The following ZC3H7B variants were observed in gnomAD, a reference collection of about 807,000 sequenced individuals.
ZC3H7B encodes zinc finger CCCH domain-containing protein 7B.
A neutral mutation model predicts 116.0 loss-of-function variants in ZC3H7B; 35 were observed. That is an observed-to-expected ratio of 0.30 (90% confidence interval 0.23 to 0.40). The LOEUF (loss-of-function observed/expected upper bound fraction) is 0.40. Among genes scored for constraint, ZC3H7B ranks in the 10% least tolerant of loss-of-function variants. ZC3H7B has a pLI of 1.00. For missense variants in ZC3H7B, 1,011 were observed against 1,321.5 expected (o/e 0.77, Z 3.64); for synonymous variants, 502 against 545.6 (o/e 0.92, Z 1.11).
rs1156306736 is a variant in ZC3H7B, at chr22:41,356,625, C to T, written c.2518-20C>T. ...GCAGAGGTGTGGGGGAGCAGGCACC[C>T]ATGATGGCTGTGCTCCCAGATGGGC... is the stretch of plus-strand genomic sequence containing the variant. On this transcript the variant is annotated intron_variant, in intron 21 of 22. Coordinates refer to ENST00000352645, the MANE Select transcript of ZC3H7B (RefSeq NM_017590.6). 6.2e-7 allele frequency: 1 copy of T among 1,613,082 alleles called. No homozygotes were observed. Among genetic ancestry groups the T allele is most frequent in the Admixed American group, 1.7e-5 (1 of 60,016 alleles).
At chr22:41,345,941 C>T (rs1211195335) in intron 13 of ZC3H7B, 62 bp from the exon 14 acceptor site, 16 of 1,570,166 alleles carry the variant, frequency 1.0e-5, no homozygotes, top group South Asian at 6.7e-5. Context: ...AGCGGGGTGG[C>T]GAGGGTGCTG....
rs147167305 is a variant in ZC3H7B at position 41,346,424 on chromosome 22, G to A, written c.1665+216G>A. On this transcript the variant is annotated intron_variant, in intron 14 of 22. Transcript: ENST00000352645. This position sits in a 1 kb window ranked among gnomAD's most constrained non-coding sequence, Gnocchi z 5.3. ...TCTGATCCAGCCCCCTCATTTTGCA[G>A]AGGCAGAAACTGAGGCTGGAAAGAA... 1.3e-5 allele frequency among the ~76,000 whole-genome samples: 2 copies of A among 152,332 alleles called. No individual in the cohort carries two copies. The highest frequency in any genetic ancestry group is 4.8e-5 in the African/African-American group (2 of 41,584).
At position 41,349,260 on chromosome 22, in the gene ZC3H7B, G is replaced by A. The variant is rs750334042; in HGVS notation, c.1907G>A (p.Ser636Asn). The A allele has an allele frequency of 1.9e-6, 3 of 1,613,656 alleles. No homozygotes were observed. The highest frequency in any genetic ancestry group is 1.7e-5 in the Admixed American group (1 of 59,996). Residue 636 changes from serine to asparagine, a missense_variant, in exon 16 of 23, where the codon AGC becomes AAC. Physicochemically the swap from Ser to Asn is conservative, Grantham distance 46 (BLOSUM62 1). Around this residue, in one of 5 missense-constraint regions of ZC3H7B, gnomAD observed 406 missense variants for 590.2 expected, o/e 0.69. Coordinates refer to ENST00000352645, the MANE Select transcript of ZC3H7B (RefSeq NM_017590.6). The surrounding 1 kb of genome is among the most constrained non-coding windows in gnomAD (Gnocchi z 4.9). ...LREDSCHFAH[S>N]FIELKVWLLQ... ...GAGGACAGCTGCCACTTCGCCCACA[G>A]CTTCATCGAGCTCAAGGTCTGGCTG...
At chr22:41,333,612 T>G (rs571580609) in intron 7 of ZC3H7B, 1 of 152,176 alleles carries the variant, frequency 6.6e-6, no homozygotes, top group East Asian at 1.9e-4. Flanking sequence ...AGAGACAGAA[T>G]GAGACTCCAT....
intron 5 of ZC3H7B, among the ~76,000 whole-genome samples, chr22:41,328,061 A>G (rs2036339458): frequency 6.6e-6 from 1 of 151,894 alleles, no homozygotes; most frequent in African/African-American, 2.4e-5. Context: ...CAGGAGGTGG[A>G]GGTTGCAGTG....
intron 1 of ZC3H7B, among the ~76,000 whole-genome samples, chr22:41,304,605 A>C (rs1024160628): frequency 1.3e-5 from 2 of 152,212 alleles, no homozygotes; most frequent in African/African-American, 4.8e-5. Context: ...AGACAGCTCA[A>C]GGCTACCTGG....
chr22:41,353,208 G>T (rs571855432), intron 17 of ZC3H7B, among the ~76,000 whole-genome samples: 3 of 152,328 alleles, frequency 2.0e-5, no homozygotes, highest in South Asian at 4.1e-4. Context: ...CTTCGCCATG[G>T]TCCTGAAGAG....
intron 11 of ZC3H7B, 25 bp from the exon 12 acceptor site, chr22:41,342,504 A>G: frequency 6.2e-7 from 1 of 1,610,294 alleles, no homozygotes; most frequent in Non-Finnish European, 8.5e-7. Flanking sequence ...CAGTGCCCAC[A>G]ATGGCCTCCT....
chr22:41,351,564 T>C lies in ZC3H7B; in HGVS notation c.1952T>C (p.Met651Thr). The change falls in exon 17 of 23, where the codon ATG (methionine) becomes ACG (threonine). Residue 651 changes from methionine to threonine, a missense_variant. Transcript: ENST00000352645. The surrounding 1 kb of genome is among the most constrained non-coding windows in gnomAD (Gnocchi z 5.1). Reference sequence around the variant, plus strand: ...TGTCTGCCCCCACCCTCCCCAGGCATGACCCACGAAGACATCGTTCAGGAG... The same window carrying C: ...TGTCTGCCCCCACCCTCCCCAGGCACGACCCACGAAGACATCGTTCAGGAG... Reference protein sequence around the residue: ...KVWLLQQYSGMTHEDIVQESK... With the variant: ...KVWLLQQYSGTTHEDIVQESK... The C allele has an allele frequency of 6.2e-7, 1 of 1,613,308 alleles. No individual in the cohort carries two copies. The highest frequency in any genetic ancestry group is 8.5e-7 in the Non-Finnish European group (1 of 1,179,706).
chr22:41,323,172 G>A (rs905141104), intron 2 of ZC3H7B, among the ~76,000 whole-genome samples: 2 of 152,176 alleles, frequency 1.3e-5, no homozygotes, highest in Non-Finnish European at 2.9e-5. Context: ...CCCTTCCCTG[G>A]GCTGTTGTCC....
rs937881001 is a variant in ZC3H7B at position 41,330,005 on chromosome 22, G to T, written c.445-18G>T. 6.2e-7 allele frequency: 1 copy of T among 1,613,320 alleles called. No individual in the cohort carries two copies. Among genetic ancestry groups the T allele is most frequent in the Non-Finnish European group, 8.5e-7 (1 of 1,179,820 alleles). On this transcript the variant is annotated intron_variant, in intron 5 of 22. Coordinates refer to ENST00000352645, the MANE Select transcript of ZC3H7B (RefSeq NM_017590.6). ...CCCGGGCAGACTGACCCACCGCCCTGTGTCTTGTCCTCTGCAGGATGAAAG... is the reference window on the plus strand; with the variant it reads ...CCCGGGCAGACTGACCCACCGCCCTTTGTCTTGTCCTCTGCAGGATGAAAG...
Position 41,357,247 on chromosome 22 carries a change from G to A in ZC3H7B, c.2752G>A (p.Glu918Lys). The A allele has an allele frequency of 6.2e-7, 1 of 1,613,798 alleles. No individual in the cohort carries two copies. The highest frequency in any genetic ancestry group is 8.5e-7 in the Non-Finnish European group (1 of 1,179,980). ...CGCCCATGGACAGGAGGAGCTCAACGAGTGGCTGGACCGGCGCGAGGTGCT... is the reference window on the plus strand; with the variant it reads ...CGCCCATGGACAGGAGGAGCTCAACAAGTGGCTGGACCGGCGCGAGGTGCT... ...RCAHGQEELN[E>K]WLDRREVLKQ... The change falls in exon 23 of 23, where the codon GAG becomes AAG. Residue 918 changes from glutamate (E) to lysine (K), a missense_variant. This residue lies in a region of ZC3H7B where 406 missense variants were observed against 590.2 expected (regional missense o/e 0.69). Coordinates refer to ENST00000352645, the MANE Select transcript of ZC3H7B (RefSeq NM_017590.6). The surrounding 1 kb of genome is among the most constrained non-coding windows in gnomAD (Gnocchi z 5.4).
intron 11 of ZC3H7B, 77 bp from the exon 12 acceptor site, chr22:41,342,452 C>A (rs2036534297): frequency 1.4e-6 from 2 of 1,440,262 alleles, no homozygotes; most frequent in Non-Finnish European, 9.7e-7. Context: ...GCACTCCCCA[C>A]TTCTGGTGCC....
intron 13 of ZC3H7B, 78 bp from the exon 14 acceptor site, chr22:41,345,925 G>A (rs1195263043): frequency 6.7e-7 from 1 of 1,486,006 alleles, no homozygotes; most frequent in Admixed American, 1.7e-5. Context: ...GAGCCCCACA[G>A]GCCGCAGCGG....
intron 1 of ZC3H7B, among the ~76,000 whole-genome samples, chr22:41,307,064 C>T (rs1218335415): frequency 6.6e-6 from 1 of 151,364 alleles, no homozygotes; most frequent in East Asian, 1.9e-4. Flanking sequence ...ACCTCTGCCT[C>T]CCGGGTTCAA....
intron 2 of ZC3H7B, 130 bp from the exon 3 acceptor site, chr22:41,325,434 G>GA: frequency 7.9e-7 from 1 of 1,266,810 alleles, no homozygotes; most frequent in South Asian, 1.3e-5. Context: ...TTTAGGAGAA[G>GA]AAAACCGCAG....
rs1163736016 is a variant in ZC3H7B at position 41,346,597 on chromosome 22, A to T, written c.1665+389A>T. Among the ~76,000 whole-genome samples the T allele has an allele frequency of 6.6e-6, 1 of 151,834 alleles. No homozygotes were observed. Among genetic ancestry groups the T allele is most frequent in the Non-Finnish European group, 1.5e-5 (1 of 67,946 alleles). ...TTGGGAGGCTGAGGCGGGCAAATCA[A>T]TTGAGGTCAGGAGTTTGAGACCAGC... is the stretch of plus-strand genomic sequence containing the variant. On this transcript the variant is annotated intron_variant, in intron 14 of 22. Coordinates refer to ENST00000352645, the MANE Select transcript of ZC3H7B (RefSeq NM_017590.6). This position sits in a 1 kb window ranked among gnomAD's most constrained non-coding sequence, Gnocchi z 5.3.
intron 18 of ZC3H7B, 75 bp from the exon 19 acceptor site, chr22:41,355,682 C>A: frequency 6.2e-7 from 1 of 1,611,052 alleles, no homozygotes; most frequent in South Asian, 1.1e-5. Context: ...CTGAGAGAGG[C>A]CAGGGCTCTC....
In ZC3H7B at chr22:41,343,401, C is replaced by T; in HGVS notation, c.1298-14C>T. 6.3e-7 allele frequency: 1 copy of T among 1,599,842 alleles called. No individual in the cohort carries two copies. The highest frequency in any genetic ancestry group is 8.5e-7 in the Non-Finnish European group (1 of 1,169,758). ...TGCTTCCGGAATTATCATGTGTGTC[C>T]ACCCTGCCCATAGGCCCCCGGGCTG... On this transcript the variant is annotated splice_polypyrimidine_tract_variant and intron_variant, in intron 12 of 22. Coordinates refer to ENST00000352645, the MANE Select transcript of ZC3H7B (RefSeq NM_017590.6).
Sources: allele counts gnomAD v4.1 joint callset (sites outside exome capture counted in the v4.1 genomes callset), GRCh38; gene constraint gnomAD v4.1.1; regional missense constraint gnomAD v4.1.1; non-coding constraint Gnocchi (gnomAD v3.1); transcripts MANE v1.5; gene names NCBI Gene and HGNC (gene_info 2026-07-23, HGNC 2026-07-21).